The following TMC7 variants were observed in gnomAD, a reference collection of about 807,000 sequenced individuals.
TMC7 encodes transmembrane channel like 7.
Under a neutral mutation model 82.9 loss-of-function variants are expected in TMC7, and 54 were observed. The ratio of observed to expected loss-of-function variants is 0.65; its 90% confidence interval spans 0.52 to 0.82. TMC7 has a LOEUF of 0.82. Among genes scored for constraint, TMC7 ranks in the 40% least tolerant of loss-of-function variants. The pLI, the probability that TMC7 is intolerant of heterozygous loss-of-function variation, is 0.00. For synonymous variants in TMC7, 350 were observed against 337.9 expected (o/e 1.04, Z -0.39); for missense variants, 820 against 901.2 (o/e 0.91, Z 1.15).
chr16:19,006,581 CTT>C (rs1214215502), intron 1 of TMC7, among the ~76,000 whole-genome samples: 1 of 152,216 alleles, frequency 6.6e-6, no homozygotes, highest in Non-Finnish European at 1.5e-5. Context: ...ACCCCTCTGA[CTT>C]TAACGTTTCC....
intron 13 of TMC7, among the ~76,000 whole-genome samples, chr16:19,054,999 C>T (rs1027493625): frequency 1.2e-4 from 19 of 152,032 alleles, no homozygotes; most frequent in Admixed American, 4.6e-4. Context: ...CCATCTGCCT[C>T]GGCCTCCCAA....
At chr16:19,053,861 TTTTTA>T (rs948775737) in intron 13 of TMC7, among the ~76,000 whole-genome samples, 5 of 151,562 alleles carry the variant, frequency 3.3e-5, no homozygotes, top group Non-Finnish European at 7.4e-5. Context: ...TTTTTTTTTT[TTTTTA>T]AAGATGCGAT....
intron 2 of TMC7, among the ~76,000 whole-genome samples, chr16:19,010,206 G>C (rs1250133068): frequency 7.5e-6 from 1 of 133,582 alleles, no homozygotes; most frequent in Non-Finnish European, 1.5e-5. Flanking sequence ...CCAGGCTGGA[G>C]TGCAATGGCA....
chr16:19,001,718 G>GGGTGAGTGA (rs773692398), intron 1 of TMC7, among the ~76,000 whole-genome samples: 17 of 152,158 alleles, frequency 1.1e-4, no homozygotes, highest in Non-Finnish European at 1.9e-4. Flanking sequence ...GTAGTAACAG[G>GGGTGAGTGA]GGTGAGTGAG....
At chr16:19,023,942 C>T (rs1567514947) in intron 5 of TMC7, among the ~76,000 whole-genome samples, 2 of 152,250 alleles carry the variant, frequency 1.3e-5, no homozygotes, top group South Asian at 2.1e-4. Context: ...GGGACATGTG[C>T]GATGCACAAC....
chr16:18,992,624 G>A (rs1181199011), intron 1 of TMC7, among the ~76,000 whole-genome samples: 3 of 152,094 alleles, frequency 2.0e-5, no homozygotes, highest in African/African-American at 7.2e-5. Flanking sequence ...TGTCAATTTT[G>A]GCTTCTGTTG....
At chr16:19,010,672 A>C (rs1959277818) in intron 2 of TMC7, among the ~76,000 whole-genome samples, 1 of 152,190 alleles carries the variant, frequency 6.6e-6, no homozygotes, top group Non-Finnish European at 1.5e-5. Flanking sequence ...GTAGCCTAAA[A>C]CAATAGTTTC....
At chr16:19,020,389 AT>A in intron 3 of TMC7, among the ~76,000 whole-genome samples, 1 of 152,282 alleles carries the variant, frequency 6.6e-6, no homozygotes, top group East Asian at 1.9e-4. Flanking sequence ...AAGAAATAAA[AT>A]GTCATTTTTT....
chr16:19,008,481 G>C (rs1386720660), intron 1 of TMC7, among the ~76,000 whole-genome samples: 2 of 152,136 alleles, frequency 1.3e-5, no homozygotes, highest in African/African-American at 4.8e-5. Context: ...CCTCAGCTGG[G>C]GCAGTCATCC....
intron 12 of TMC7, chr16:19,049,729 G>A (rs980788750): frequency 5.4e-6 from 5 of 919,780 alleles, no homozygotes; most frequent in African/African-American, 1.8e-5. Context: ...GGCATGTCCC[G>A]CCGGCTGCCC....
chr16:19,045,351 C>G lies in TMC7; in HGVS notation c.1466C>G (p.Thr489Ser). 6.2e-7 allele frequency: 1 copy of G among 1,613,894 alleles called. No homozygotes were observed. The highest frequency in any genetic ancestry group is 1.1e-5 in the South Asian group (1 of 91,076). Residue 489 changes from threonine to serine, a missense_variant, in exon 11 of 16, where the codon ACC becomes AGC. This residue lies in a region of TMC7 where 650 missense variants were observed against 669.9 expected (regional missense o/e 0.97). Coordinates refer to ENST00000304381, the MANE Select transcript of TMC7 (RefSeq NM_024847.4). Reference sequence around the variant, plus strand: ...TCTCTTTGATTTCAGTGCTGGGAGACCCAAGTTGGGCAGGAAATGTACAAG... The same window carrying G: ...TCTCTTTGATTTCAGTGCTGGGAGAGCCAAGTTGGGCAGGAAATGTACAAG... The part of the protein sequence containing the change: ...YNQKLYPCWE[T>S]QVGQEMYKLM...
At chr16:18,986,134 A>G (rs867917274) in intron 1 of TMC7, among the ~76,000 whole-genome samples, 6 of 152,036 alleles carry the variant, frequency 3.9e-5, no homozygotes, top group Non-Finnish European at 7.4e-5. Context: ...AGTGGCTCAC[A>G]CCTGTAATCC....
chr16:19,017,237 C>T (rs1959737586), intron 3 of TMC7, among the ~76,000 whole-genome samples: 1 of 151,850 alleles, frequency 6.6e-6, no homozygotes, highest in South Asian at 2.1e-4. Context: ...TATTCTATCA[C>T]ACATATTTTT....
At chr16:19,023,572 G>C (rs751363337) in intron 5 of TMC7, among the ~76,000 whole-genome samples, 18 of 152,156 alleles carry the variant, frequency 1.2e-4, no homozygotes, top group Admixed American at 4.6e-4. Context: ...TCAGCCTCTC[G>C]AGTAGCTGGA....
rs1479937623 is a variant in TMC7, at chr16:19,009,406, G to A, written c.302G>A (p.Arg101Gln). ...RNYALNISEK[R>Q]RLRDIQETQM... Reference sequence around the variant, plus strand: ...TATGCACTGAACATCTCTGAGAAGCGGAGACTAAGGTTTGTTCACTAGCCA... The same window carrying A: ...TATGCACTGAACATCTCTGAGAAGCAGAGACTAAGGTTTGTTCACTAGCCA... The change falls in exon 2 of 16, where the codon CGG (arginine) becomes CAG (glutamine). Residue 101 changes from arginine to glutamine, a missense_variant. Physicochemically the swap from Arg to Gln is conservative, Grantham distance 43. Transcript: ENST00000304381. 5.6e-6 allele frequency: 9 copies of A among 1,612,328 alleles called. No homozygotes were observed. Among genetic ancestry groups the A allele is most frequent in the South Asian group, 1.1e-5 (1 of 91,000 alleles).
In TMC7 at chr16:18,985,835, C is replaced by T. The variant is rs557395300; in HGVS notation, c.67+1705C>T. ...TTATAGGACAGTCCGTGGGGTGGGG[C>T]GGGGGATGGGGGAGGCGACAAATGA... On this transcript the variant is annotated intron_variant, in intron 1 of 15. Transcript: ENST00000304381. Among the ~76,000 whole-genome samples the T allele has an allele frequency of 1.7e-3, 224 of 133,806 alleles. 1 individual carries two copies. The highest frequency in any genetic ancestry group is 3.2e-3 in the Admixed American group (42 of 13,310). 87.8% of individuals were successfully genotyped at this position (133,806 alleles called of 152,430 possible).
chr16:19,054,310 C>G (rs1487620687), intron 13 of TMC7, among the ~76,000 whole-genome samples: 4 of 152,094 alleles, frequency 2.6e-5, no homozygotes, highest in Non-Finnish European at 5.9e-5. Context: ...CTGGATGTCC[C>G]AATTGTTAAC....
At chr16:18,992,494 T>C (rs1478627306) in intron 1 of TMC7, among the ~76,000 whole-genome samples, 9 of 152,254 alleles carry the variant, frequency 5.9e-5, no homozygotes, top group Non-Finnish European at 1.2e-4. Flanking sequence ...ATTCCGGATA[T>C]TAGCCTTTTG....
intron 1 of TMC7, 87 bp downstream of exon 1, chr16:18,984,217 G>A: frequency 1.5e-6 from 2 of 1,375,962 alleles, no homozygotes; most frequent in South Asian, 1.7e-5. Flanking sequence ...GCTCGGCCTG[G>A]CCGCTGTTCC....
Sources: gnomAD v4.1 joint callset for allele counts (sites outside exome capture counted in the v4.1 genomes callset) on GRCh38, gnomAD v4.1.1 for gene constraint, gnomAD v4.1.1 regional missense constraint, MANE v1.5 for transcripts, NCBI Gene and HGNC (gene_info 2026-07-23, HGNC 2026-07-21) for gene names.